The following CHRDL1 variants were observed in gnomAD, a reference collection of about 807,000 sequenced individuals.
CHRDL1 encodes the protein chordin-like protein 1.
A neutral mutation model predicts 40.9 loss-of-function variants in CHRDL1; 19 were observed. The observed-to-expected ratio is 0.46, with a 90% CI of 0.32 to 0.68. CHRDL1 has a LOEUF of 0.68. Among genes scored for constraint, CHRDL1 ranks in the 30% least tolerant of loss-of-function variants. The pLI is 0.03. For synonymous variants in CHRDL1, 136 were observed against 123.4 expected (o/e 1.10, Z -0.68); for missense variants, 329 against 352.1 (o/e 0.93, Z 0.53).
intron 4 of CHRDL1, among the ~76,000 whole-genome samples, chrX:110,738,552 C>T (rs1317678846): frequency 9.1e-6 from 1 of 110,083 alleles, no homozygotes; most frequent in Non-Finnish European, 1.9e-5. Context: ...ACCATCCTGG[C>T]TAACACGGTG....
chrX:110,719,484 G>A (rs867053599), intron 6 of CHRDL1, among the ~76,000 whole-genome samples: 4 of 110,914 alleles, frequency 3.6e-5, no homozygotes, highest in Non-Finnish European at 7.6e-5. Context: ...TTCCTTCTAA[G>A]GCTATGAATG....
chrX:110,675,499 G>A lies in CHRDL1; in HGVS notation c.*732C>T, dbSNP rs1252355201. The A allele has an allele frequency of 9.0e-6, 1 of 111,391 alleles. No individual in the cohort carries two copies. Among genetic ancestry groups the A allele is most frequent in the Non-Finnish European group, 1.9e-5 (1 of 53,059 alleles). 9.2% of individuals were successfully genotyped at this position (111,391 alleles called of 1,213,427 possible). The stretch of plus-strand genomic sequence containing the variant: ...TTTTATTCTTTACCCTGACTCTATT[G>A]TTGGTGACTTAAACAGCCACAAAGA... On this transcript the variant is annotated 3_prime_UTR_variant, in exon 12 of 12. Coordinates refer to ENST00000372042, the MANE Select transcript of CHRDL1 (RefSeq NM_001143981.2).
intron 10 of CHRDL1, among the ~76,000 whole-genome samples, chrX:110,680,396 CTTT>C (rs984888386): frequency 9.0e-6 from 1 of 111,299 alleles, no homozygotes; most frequent in Non-Finnish European, 1.9e-5. Context: ...GTTCAAGCAT[CTTT>C]TTTTTAGGGA....
At chrX:110,739,995 C>T (rs918936928) in intron 4 of CHRDL1, among the ~76,000 whole-genome samples, 1 of 112,607 alleles carries the variant, frequency 8.9e-6, no homozygotes, top group East Asian at 2.8e-4. Flanking sequence ...TTGGATCCAA[C>T]GGCATGTAAG....
At chrX:110,689,637 TCTATATATATCTATATATC>T (rs1222155340) in intron 8 of CHRDL1, among the ~76,000 whole-genome samples, 1 of 43,117 alleles carries the variant, frequency 2.3e-5, no homozygotes, top group Non-Finnish European at 3.4e-5. Context: ...TATCTATATA[TCTATATATATCTATATATC>T]ATCTATATAT....
At chrX:110,683,620 C>T (rs1296946552) in intron 9 of CHRDL1, among the ~76,000 whole-genome samples, 1 of 111,832 alleles carries the variant, frequency 8.9e-6, no homozygotes, top group Non-Finnish European at 1.9e-5. Context: ...CTCATGATAG[C>T]AATAACTTAA....
At position 110,784,450 on chromosome X, in the gene CHRDL1, C is replaced by T. The variant is rs761042396; in HGVS notation, c.94+7638G>A. Among the ~76,000 whole-genome samples the T allele has an allele frequency of 6.3e-5, 7 of 111,405 alleles. No individual in the cohort carries two copies. The South Asian group carries it at 1.9e-3, about 31-fold the overall frequency. ...TGTTTGAGATGGAGTCTTGCTCTGT[C>T]ACCCAGGCTGGAGTGCAGTGGCACA... On this transcript the variant is annotated intron_variant, in intron 2 of 11. Transcript: ENST00000372042.
chrX:110,731,152 C>A lies in CHRDL1; in HGVS notation c.302-9622G>T, dbSNP rs1170647247. Among the ~76,000 whole-genome samples, 4 of 111,240 alleles carry A rather than the reference C, an allele frequency of 3.6e-5. 1 individual carries two copies. The highest frequency in any genetic ancestry group is 7.5e-5 in the Non-Finnish European group (4 of 53,058). On this transcript the variant is annotated intron_variant, in intron 4 of 11. Coordinates refer to ENST00000372042, the MANE Select transcript of CHRDL1 (RefSeq NM_001143981.2). Reference sequence around the variant, plus strand: ...AGAATGCCTGATATGCCCCCAGATTCAATCATTAGTTAGAGAAGGGCCCTA... The same window carrying A: ...AGAATGCCTGATATGCCCCCAGATTAAATCATTAGTTAGAGAAGGGCCCTA...
intron 6 of CHRDL1, among the ~76,000 whole-genome samples, chrX:110,703,148 C>A (rs2070550827): frequency 9.0e-6 from 1 of 111,288 alleles, no homozygotes; most frequent in South Asian, 3.8e-4. Flanking sequence ...TTTCAGATCC[C>A]AACCCATACC....
At chrX:110,743,873 T>A (rs977345723) in intron 4 of CHRDL1, among the ~76,000 whole-genome samples, 2 of 111,084 alleles carry the variant, frequency 1.8e-5, no homozygotes, top group Non-Finnish European at 3.8e-5. Flanking sequence ...TGTGTGTGTT[T>A]GTGGGGATGG....
At chrX:110,701,690 T>C (rs1477025100) in intron 6 of CHRDL1, among the ~76,000 whole-genome samples, 1 of 111,246 alleles carries the variant, frequency 9.0e-6, no homozygotes, top group Admixed American at 9.6e-5. Flanking sequence ...GGTGTGCACC[T>C]GTAGTCCCAG....
At chrX:110,692,045 C>T (rs2070290746) in intron 8 of CHRDL1, among the ~76,000 whole-genome samples, 1 of 111,123 alleles carries the variant, frequency 9.0e-6, no homozygotes, top group African/African-American at 3.3e-5. Context: ...GGATTCCTAT[C>T]ATTTCTCTTA....
chrX:110,748,038 T>C lies in CHRDL1; in HGVS notation c.301+11623A>G, dbSNP rs147893783. Among the ~76,000 whole-genome samples the C allele has an allele frequency of 1.4e-3, 153 of 111,921 alleles. 1 individual carries two copies. Among genetic ancestry groups the C allele is most frequent in the African/African-American group, 4.7e-3 (145 of 30,814 alleles). ...TTTTTTGTGCCTAAGTTTTTTATAC[T>C]GAAGCTCACTTCTACTCTTTCTCCC... is the stretch of plus-strand genomic sequence containing the variant. On this transcript the variant is annotated intron_variant, in intron 4 of 11. Coordinates refer to ENST00000372042, the MANE Select transcript of CHRDL1 (RefSeq NM_001143981.2).
At chrX:110,694,371 A>T (rs371444258) in intron 7 of CHRDL1, 40 bp from the exon 8 acceptor site, 1 of 1,055,062 alleles carries the variant, frequency 9.5e-7, no homozygotes, top group Non-Finnish European at 1.3e-6. Flanking sequence ...AAAAGCCACC[A>T]ATGAGATCAC....
At chrX:110,727,314 G>GA (rs369295196) in intron 4 of CHRDL1, among the ~76,000 whole-genome samples, 19 of 108,376 alleles carry the variant, frequency 1.8e-4, no homozygotes, top group Admixed American at 2.9e-4. Context: ...TGAGGGATGT[G>GA]AAAAAAAAAA....
At chrX:110,771,098 T>C (rs1167323828) in intron 2 of CHRDL1, among the ~76,000 whole-genome samples, 1 of 105,046 alleles carries the variant, frequency 9.5e-6, no homozygotes, top group Admixed American at 1.0e-4. Context: ...TGAGCTGAGA[T>C]GGCACCATTG....
intron 9 of CHRDL1, among the ~76,000 whole-genome samples, chrX:110,683,415 A>G (rs572531602): frequency 5.7e-4 from 64 of 112,002 alleles, no homozygotes; most frequent in African/African-American, 2.1e-3. Flanking sequence ...GGCCATTTCC[A>G]CAGCCCAAGA....
intron 2 of CHRDL1, among the ~76,000 whole-genome samples, chrX:110,774,467 C>T (rs2089814705): frequency 9.1e-6 from 1 of 109,923 alleles, no homozygotes; most frequent in Non-Finnish European, 1.9e-5. Flanking sequence ...AGGTCAACTT[C>T]ACAGAGATAC....
At chrX:110,783,812 T>C (rs1162337239) in intron 2 of CHRDL1, among the ~76,000 whole-genome samples, 1 of 112,213 alleles carries the variant, frequency 8.9e-6, no homozygotes, top group East Asian at 2.8e-4. Flanking sequence ...CGTGTCACTA[T>C]GCCATCAATG....
Sources: allele counts gnomAD v4.1 joint callset (sites outside exome capture counted in the v4.1 genomes callset), GRCh38; gene constraint gnomAD v4.1.1; transcripts MANE v1.5; gene names NCBI Gene and HGNC (gene_info 2026-07-23, HGNC 2026-07-21).